Variants in CNTNAP2 observed in about 807,000 individuals in gnomAD.
The protein encoded by CNTNAP2 is contactin-associated protein-like 2.
CNTNAP2 carries 98 observed loss-of-function variants against 155.2 expected under a neutral mutation model. The ratio of observed to expected loss-of-function variants is 0.63; its 90% CI spans 0.54 to 0.75. The LOEUF (loss-of-function observed/expected upper bound fraction) is 0.75. Among genes scored for constraint, CNTNAP2 ranks in the 30% least tolerant of loss-of-function variants. The probability of loss-of-function intolerance (pLI) is 0.00; values close to 1 mark genes in which losing one functional copy is unlikely to be tolerated. For missense variants in CNTNAP2, 1,727 were observed against 1,688.1 expected, an observed-to-expected ratio of 1.02 and a Z score of -0.40; for synonymous variants, 651 against 631.2, an observed-to-expected ratio of 1.03 and a Z score of -0.47.
intron 9 of CNTNAP2, among the ~76,000 whole-genome samples, chr7:147,309,476 T>C (rs954912378): frequency 5.3e-5 from 8 of 152,192 alleles, no homozygotes; most frequent in Non-Finnish European, 8.8e-5. Flanking sequence ...CCAAACCTTT[T>C]AGTTAACATT....
intron 4 of CNTNAP2, among the ~76,000 whole-genome samples, chr7:147,059,961 C>G (rs961577035): frequency 6.6e-6 from 1 of 152,030 alleles, no homozygotes; most frequent in African/African-American, 2.4e-5. Context: ...ATTGATTAAT[C>G]ATTGATTATA....
intron 1 of CNTNAP2, among the ~76,000 whole-genome samples, chr7:146,318,986 T>C (rs1031411941): frequency 6.6e-6 from 1 of 152,098 alleles, no homozygotes. Context: ...CATTTTGCAG[T>C]TGAGAAAACT....
chr7:148,199,696 A>G (rs1423784033), intron 18 of CNTNAP2, among the ~76,000 whole-genome samples: 1 of 152,256 alleles, frequency 6.6e-6, no homozygotes, highest in African/African-American at 2.4e-5. Flanking sequence ...GTAGATTTTA[A>G]AGACTTAGCA....
At chr7:148,038,839 GAT>G (rs1802618309) in intron 15 of CNTNAP2, among the ~76,000 whole-genome samples, 1 of 151,470 alleles carries the variant, frequency 6.6e-6, no homozygotes, top group Admixed American at 6.6e-5. Flanking sequence ...TGGATGGATG[GAT>G]GGATGGATGG....
intron 22 of CNTNAP2, among the ~76,000 whole-genome samples, chr7:148,397,616 C>G (rs897146979): frequency 1.3e-5 from 2 of 152,220 alleles, no homozygotes; most frequent in African/African-American, 4.8e-5. Flanking sequence ...TTCCCCTTTT[C>G]GACAGGGAAT....
chr7:146,282,435 C>T (rs1800266647), intron 1 of CNTNAP2, among the ~76,000 whole-genome samples: 2 of 152,194 alleles, frequency 1.3e-5, no homozygotes, highest in South Asian at 4.1e-4. Context: ...CTTTCCAAAC[C>T]TGCCAACACT....
chr7:146,176,611 G>A (rs1798474226), intron 1 of CNTNAP2, among the ~76,000 whole-genome samples: 1 of 152,098 alleles, frequency 6.6e-6, no homozygotes, highest in African/African-American at 2.4e-5. Flanking sequence ...GTTCATCTCT[G>A]ACTCATTTTG....
chr7:148,172,111 G>C (rs962625755), intron 17 of CNTNAP2, 131 bp from the exon 18 acceptor site: 3 of 920,546 alleles, frequency 3.3e-6, no homozygotes, highest in Non-Finnish European at 5.3e-6. Flanking sequence ...ATTTAGATAG[G>C]ACCAACTTGA....
At chr7:146,227,428 CAAAAA>C (rs755623604) in intron 1 of CNTNAP2, among the ~76,000 whole-genome samples, 8 of 58,726 alleles carry the variant, frequency 1.4e-4, no homozygotes, top group African/African-American at 4.7e-4. Flanking sequence ...CTGTCTCAAA[CAAAAA>C]AAAAAAAAAA....
At chr7:146,770,100 A>AT (rs1802265948) in intron 1 of CNTNAP2, among the ~76,000 whole-genome samples, 1 of 151,978 alleles carries the variant, frequency 6.6e-6, no homozygotes, top group South Asian at 2.1e-4. Context: ...TTTCTAATTT[A>AT]TTTGTGGCTT....
intron 13 of CNTNAP2, among the ~76,000 whole-genome samples, chr7:147,663,776 A>G (rs1207009414): frequency 1.3e-5 from 2 of 152,252 alleles, no homozygotes; most frequent in African/African-American, 2.4e-5. Context: ...TTTCATATAT[A>G]CATACATAGT....
chr7:146,169,636 G>A (rs1405302562), intron 1 of CNTNAP2, among the ~76,000 whole-genome samples: 1 of 151,080 alleles, frequency 6.6e-6, no homozygotes, highest in East Asian at 1.9e-4. Flanking sequence ...CCATACCTCT[G>A]ATCCCCTGAC....
At chr7:146,579,224 A>AT (rs1190528811) in intron 1 of CNTNAP2, among the ~76,000 whole-genome samples, 2 of 152,104 alleles carry the variant, frequency 1.3e-5, no homozygotes, top group African/African-American at 4.8e-5. Context: ...TTGTTGTTAA[A>AT]TATTTTCTAA....
intron 3 of CNTNAP2, among the ~76,000 whole-genome samples, chr7:146,939,895 T>C (rs998793112): frequency 2.6e-5 from 4 of 152,174 alleles, no homozygotes; most frequent in African/African-American, 9.6e-5. Context: ...TGAGATTTTT[T>C]TTCAGTTTTT....
chr7:147,357,135 A>G (rs887646562), intron 9 of CNTNAP2, among the ~76,000 whole-genome samples: 3 of 152,156 alleles, frequency 2.0e-5, no homozygotes, highest in Admixed American at 2.0e-4. Context: ...TCTATGAGGC[A>G]GGTACTATTA....
At chr7:147,192,419 A>G (rs1368787789) in intron 8 of CNTNAP2, among the ~76,000 whole-genome samples, 2 of 151,944 alleles carry the variant, frequency 1.3e-5, no homozygotes, top group Non-Finnish European at 1.5e-5. Flanking sequence ...CCACCTCCCT[A>G]CTTCTATATT....
chr7:148,063,567 G>C (rs1048063381), intron 15 of CNTNAP2, among the ~76,000 whole-genome samples: 1 of 150,022 alleles, frequency 6.7e-6, no homozygotes, highest in Non-Finnish European at 1.5e-5. Flanking sequence ...GCCCTTTCCA[G>C]ATATTTTTTC....
intron 21 of CNTNAP2, among the ~76,000 whole-genome samples, chr7:148,358,274 G>C (rs1798555392): frequency 6.6e-6 from 1 of 152,170 alleles, no homozygotes; most frequent in Non-Finnish European, 1.5e-5. Context: ...CACTGAAGCA[G>C]AATGAGAGGA....
chr7:146,357,747 T>C (rs1281242909), intron 1 of CNTNAP2, among the ~76,000 whole-genome samples: 1 of 152,116 alleles, frequency 6.6e-6, no homozygotes, highest in African/African-American at 2.4e-5. Context: ...ATCCAAACTT[T>C]AATATAATTT....
Sources: gnomAD v4.1 joint callset for allele counts (sites outside exome capture counted in the v4.1 genomes callset) on GRCh38, gnomAD v4.1.1 for gene constraint, MANE v1.5 for transcripts, NCBI Gene and HGNC (gene_info 2026-07-23, HGNC 2026-07-21) for gene names.